Variants in POU6F2 observed in about 807,000 individuals in gnomAD.
POU6F2 encodes the protein POU domain, class 6, transcription factor 2.
A neutral mutation model predicts 71.3 loss-of-function variants in POU6F2; 31 were observed. The observed-to-expected ratio is 0.43, with a 90% CI of 0.33 to 0.59. The LOEUF (loss-of-function observed/expected upper bound fraction) is 0.59. Among genes scored for constraint, POU6F2 ranks in the 20% least tolerant of loss-of-function variants. The pLI, the probability that POU6F2 is intolerant of heterozygous loss-of-function variation, is 0.04. For missense variants in POU6F2, 783 were observed against 856.8 expected, an observed-to-expected ratio of 0.91 and a Z score of 1.07; for synonymous variants, 347 against 355.7, an observed-to-expected ratio of 0.98 and a Z score of 0.27.
chr7:39,253,863 T>G (rs1783970729), intron 4 of POU6F2, among the ~76,000 whole-genome samples: 1 of 152,238 alleles, frequency 6.6e-6, no homozygotes, highest in African/African-American at 2.4e-5. Flanking sequence ...TATATTTTTC[T>G]CTTAGAGTTT....
chr7:39,031,183 G>A (rs573883267), intron 1 of POU6F2, among the ~76,000 whole-genome samples: 1 of 152,168 alleles, frequency 6.6e-6, no homozygotes, highest in Admixed American at 6.5e-5. Flanking sequence ...ACAGGCGTGA[G>A]CCACCGCGCC....
At chr7:39,390,316 A>T (rs1787041175) in intron 5 of POU6F2, among the ~76,000 whole-genome samples, 1 of 152,162 alleles carries the variant, frequency 6.6e-6, no homozygotes, top group African/African-American at 2.4e-5. Flanking sequence ...GATTCGCTTG[A>T]AAGGGGGAGG....
intron 1 of POU6F2, among the ~76,000 whole-genome samples, chr7:39,065,172 A>C (rs1460751531): frequency 1.3e-5 from 2 of 151,810 alleles, no homozygotes; most frequent in East Asian, 1.9e-4. Flanking sequence ...AAATTCTCCC[A>C]AAAAAGAATT....
chr7:39,418,931 ATATATGTG>A (rs1437604015), intron 6 of POU6F2, among the ~76,000 whole-genome samples: 12 of 140,096 alleles, frequency 8.6e-5, no homozygotes, highest in Admixed American at 5.1e-4. Flanking sequence ...GTATATATGT[ATATATGTG>A]TATATATGTA....
At chr7:39,139,057 C>T (rs1792443012) in intron 2 of POU6F2, among the ~76,000 whole-genome samples, 2 of 152,112 alleles carry the variant, frequency 1.3e-5, no homozygotes, top group Admixed American at 1.3e-4. Context: ...GCTCTGTTGT[C>T]ACCCTCTTGA....
chr7:39,427,554 C>T (rs940989999), intron 6 of POU6F2, among the ~76,000 whole-genome samples: 3 of 152,152 alleles, frequency 2.0e-5, no homozygotes, highest in African/African-American at 7.2e-5. Context: ...AAGTTCTTTA[C>T]TCTTGTCTGT....
At chr7:39,359,150 A>AT (rs1197216749) in intron 5 of POU6F2, among the ~76,000 whole-genome samples, 3 of 151,822 alleles carry the variant, frequency 2.0e-5, no homozygotes, top group East Asian at 1.9e-4. Flanking sequence ...TAAGAAAATG[A>AT]TTTTTTTTCT....
chr7:39,183,438 A>G (rs1346246164), intron 2 of POU6F2, among the ~76,000 whole-genome samples: 1 of 152,190 alleles, frequency 6.6e-6, no homozygotes, highest in African/African-American at 2.4e-5. Context: ...GTAACAGGAG[A>G]AGGAGGAAGA....
intron 2 of POU6F2, among the ~76,000 whole-genome samples, chr7:39,196,604 C>T (rs1793791133): frequency 6.6e-6 from 1 of 151,928 alleles, no homozygotes. Flanking sequence ...ACTAAAAATA[C>T]AAACATTAGC....
intron 8 of POU6F2, among the ~76,000 whole-genome samples, chr7:39,454,716 AT>A (rs1788757146): frequency 8.7e-5 from 7 of 80,626 alleles, no homozygotes; most frequent in South Asian, 4.5e-4. Context: ...ATATATATAT[AT>A]ATATATATAT....
chr7:39,460,792 G>C lies in POU6F2; in HGVS notation c.1658+77G>C. 1 of 1,421,110 alleles carries C rather than the reference G, an allele frequency of 7.0e-7. No individual in the cohort carries two copies. The allele number at this position is 1,421,110 out of a possible 1,614,324, so 88.0% of individuals were successfully genotyped here. The stretch of plus-strand genomic sequence containing the variant: ...TGTCCTCGCGGTTCAGCTTTTCTTC[G>C]TCGGGTGGGCAAAGCTGGAGGGGCA... On this transcript the variant is annotated intron_variant, in intron 9 of 9. Transcript: ENST00000518318. This position sits in a 1 kb window ranked among gnomAD's most constrained non-coding sequence, Gnocchi z 4.4.
intron 4 of POU6F2, among the ~76,000 whole-genome samples, chr7:39,219,920 C>T (rs187894938): frequency 6.6e-6 from 1 of 152,244 alleles, no homozygotes; most frequent in Non-Finnish European, 1.5e-5. Context: ...AAATAACTCA[C>T]ACGGGAGAAA....
chr7:39,016,065 A>ATATAATATATTATATATAT (rs1789533655), intron 1 of POU6F2, among the ~76,000 whole-genome samples: 1 of 33,254 alleles, frequency 3.0e-5, no homozygotes, highest in Non-Finnish European at 6.6e-5. Context: ...ATTATATATA[A>ATATAATATATTATATATAT]TATATAGATA....
chr7:39,087,047 C>A (rs564166152), intron 2 of POU6F2, among the ~76,000 whole-genome samples: 4 of 143,324 alleles, frequency 2.8e-5, no homozygotes, highest in Non-Finnish European at 6.0e-5. Context: ...AGGTAAGAAA[C>A]AGTCAAGCAC....
At chr7:39,149,352 A>C (rs1792694385) in intron 2 of POU6F2, among the ~76,000 whole-genome samples, 1 of 152,170 alleles carries the variant, frequency 6.6e-6, no homozygotes, top group Non-Finnish European at 1.5e-5. Context: ...TTCTTTTTTT[A>C]AGCATTAATA....
At position 39,016,858 on chromosome 7, in the gene POU6F2, A is replaced by G. The variant is rs114181420; in HGVS notation, c.105+38800A>G. Among the ~76,000 whole-genome samples the G allele has an allele frequency of 4.9e-3, 750 of 152,306 alleles. 7 individuals are homozygous for G. Among genetic ancestry groups the G allele is most frequent in the African/African-American group, 0.018 (733 of 41,558 alleles). Reference sequence around the variant, plus strand: ...GGCACGTCCAGTTTAAGGGACTTGAAGAAGGCCGACAGCCACTGTGGCAGA... The same window carrying G: ...GGCACGTCCAGTTTAAGGGACTTGAGGAAGGCCGACAGCCACTGTGGCAGA... On this transcript the variant is annotated intron_variant, in intron 1 of 9. Coordinates refer to ENST00000518318, the MANE Select transcript of POU6F2 (RefSeq NM_001370959.1).
rs201460690 is a variant in POU6F2, at chr7:39,327,152, G to A, written c.599-12490G>A. Reference sequence around the variant, plus strand: ...AAATCAGCCTGGCGTGGTGGCGGGCGCCTGTAGTCCCAGCTACTTGGGAGG... The same window carrying A: ...AAATCAGCCTGGCGTGGTGGCGGGCACCTGTAGTCCCAGCTACTTGGGAGG... On this transcript the variant is annotated intron_variant, in intron 4 of 9. Coordinates refer to ENST00000518318, the MANE Select transcript of POU6F2 (RefSeq NM_001370959.1). Among the ~76,000 whole-genome samples the A allele has an allele frequency of 3.4e-4, 51 of 151,966 alleles. 1 individual carries two copies. The East Asian group carries it at 6.6e-3, about 20-fold the overall frequency.
intron 2 of POU6F2, among the ~76,000 whole-genome samples, chr7:39,183,269 T>C (rs1793470420): frequency 6.6e-6 from 1 of 152,196 alleles, no homozygotes; most frequent in African/African-American, 2.4e-5. Flanking sequence ...TAGTCTGTTC[T>C]CACACTGCTA....
At chr7:39,140,967 A>G (rs1017066748) in intron 2 of POU6F2, among the ~76,000 whole-genome samples, 3 of 152,240 alleles carry the variant, frequency 2.0e-5, no homozygotes, top group Non-Finnish European at 4.4e-5. Context: ...GCCTACAAGT[A>G]GGAGGAAGCC....
Sources: gnomAD v4.1 joint callset for allele counts (sites outside exome capture counted in the v4.1 genomes callset) on GRCh38, gnomAD v4.1.1 for gene constraint, Gnocchi (gnomAD v3.1) non-coding constraint, MANE v1.5 for transcripts, NCBI Gene and HGNC (gene_info 2026-07-23, HGNC 2026-07-21) for gene names.